Variants in TBXAS1 observed in about 807,000 individuals in gnomAD.
TBXAS1 encodes thromboxane A synthase 1.
TBXAS1 carries 48 observed loss-of-function variants against 60.7 expected under a neutral mutation model. The ratio of observed to expected loss-of-function variants is 0.79; its 90% CI spans 0.63 to 1.01. The LOEUF is 1.01. TBXAS1 is among the 50% of genes least tolerant of loss of function. TBXAS1 has a pLI of 0.00. For missense variants in TBXAS1, 685 were observed against 686.3 expected (o/e 1.00, Z 0.02); for synonymous variants, 287 against 269.7 (o/e 1.06, Z -0.63).
chr7:139,872,155 A>G, intron 1 of TBXAS1, 80 bp from the exon 2 acceptor site: 4 of 1,386,040 alleles, frequency 2.9e-6, no homozygotes, highest in Non-Finnish European at 4.1e-6. Context: ...CAGAGAGCTC[A>G]GTAATTCTAG....
rs1352109288 is a variant in TBXAS1, at chr7:139,900,256, T to A, written c.237-10969T>A. On this transcript the variant is annotated intron_variant, in intron 3 of 12. Coordinates refer to ENST00000448866, the MANE Select transcript of TBXAS1 (RefSeq NM_001061.7). ...TATAGGATTTACAGTTCCAGTAAAC[T>A]ACAGAGATAACTTAGTTTTCACTCC... is the stretch of plus-strand genomic sequence containing the variant. 2.6e-5 allele frequency among the ~76,000 whole-genome samples: 4 copies of A among 152,310 alleles called. 1 individual carries two copies. The South Asian group carries it at 8.3e-4, about 32-fold the overall frequency.
At chr7:139,890,337 TC>T (rs1803490050) in intron 3 of TBXAS1, among the ~76,000 whole-genome samples, 1 of 145,620 alleles carries the variant, frequency 6.9e-6, no homozygotes, top group African/African-American at 2.5e-5. Flanking sequence ...TGCCTCAGCC[TC>T]CCGAGTAGCT....
At chr7:139,815,767 G>A (rs1231540835) in intron 4 of TBXAS1, among the ~76,000 whole-genome samples, 2 of 152,170 alleles carry the variant, frequency 1.3e-5, no homozygotes, top group Admixed American at 1.3e-4. Flanking sequence ...TCACTTCAGA[G>A]GAGGAGGAGA....
intron 6 of TBXAS1, among the ~76,000 whole-genome samples, chr7:139,954,699 G>C (rs1242186167): frequency 6.6e-6 from 1 of 152,198 alleles, no homozygotes; most frequent in Non-Finnish European, 1.5e-5. Flanking sequence ...ATAACAAAAA[G>C]AATCATTTGA....
intron 3 of TBXAS1, among the ~76,000 whole-genome samples, chr7:139,909,629 T>C (rs1402751013): frequency 6.6e-6 from 1 of 152,218 alleles, no homozygotes; most frequent in South Asian, 2.1e-4. Context: ...GCCAGACAAA[T>C]ATTTTTATTG....
chr7:139,990,672 C>T (rs1585018620), intron 9 of TBXAS1, among the ~76,000 whole-genome samples: 1 of 151,912 alleles, frequency 6.6e-6, no homozygotes, highest in African/African-American at 2.4e-5. Context: ...TTCTTTGCTG[C>T]CACCCTCCCC....
At chr7:139,956,849 T>A (rs1435219500) in intron 7 of TBXAS1, among the ~76,000 whole-genome samples, 4 of 152,270 alleles carry the variant, frequency 2.6e-5, no homozygotes, top group Middle Eastern at 3.2e-3. Context: ...TGCAGGGCCC[T>A]CCTGCTGCTG....
chr7:140,019,931 C>A, intron 12 of TBXAS1, 94 bp from the exon 13 acceptor site: 2 of 1,219,498 alleles, frequency 1.6e-6, no homozygotes, highest in South Asian at 1.2e-5. Context: ...TGACCTTGGA[C>A]AACGGACTTG....
At chr7:139,863,638 G>T (rs1198805004) in intron 1 of TBXAS1, among the ~76,000 whole-genome samples, 4 of 152,108 alleles carry the variant, frequency 2.6e-5, no homozygotes, top group African/African-American at 9.7e-5. Context: ...ACTACTTAGA[G>T]GAAGATTTAT....
chr7:139,971,533 T>A (rs76377296), intron 9 of TBXAS1, among the ~76,000 whole-genome samples: 2 of 152,332 alleles, frequency 1.3e-5, no homozygotes, highest in East Asian at 3.9e-4. Context: ...GTCCTGGGGA[T>A]ACCTGCGGGA....
chr7:139,886,443 T>C (rs1803118897), intron 3 of TBXAS1, among the ~76,000 whole-genome samples: 1 of 151,154 alleles, frequency 6.6e-6, no homozygotes, highest in African/African-American at 2.4e-5. Flanking sequence ...CTATTAACCT[T>C]TGCCCGGAAT....
At chr7:139,824,763 A>G (rs1357034621), upstream of TBXAS1, among the ~76,000 whole-genome samples, 2 of 151,524 alleles carry the variant, frequency 1.3e-5, no homozygotes. Flanking sequence ...AGTTGGGATT[A>G]TAGGATATTT....
intron 7 of TBXAS1, 61 bp from the exon 8 acceptor site, chr7:139,957,573 C>T (rs1188014798): frequency 3.1e-6 from 5 of 1,612,012 alleles, no homozygotes; most frequent in Non-Finnish European, 4.2e-6. Context: ...GAACAGGCGT[C>T]TAATGGCCCT....
rs1584871341 is a variant in TBXAS1 at position 139,926,936 on chromosome 7, A to G, written c.334-9255A>G. On this transcript the variant is annotated intron_variant, in intron 4 of 12. Coordinates refer to ENST00000448866, the MANE Select transcript of TBXAS1 (RefSeq NM_001061.7). ...TTCCAATTAAACAATTGGAAATTGT[A>G]TAGTTTCCAAAATTCCTCTTCTTAT... Among the ~76,000 whole-genome samples the G allele has an allele frequency of 1.3e-5, 2 of 152,048 alleles. 1 individual carries two copies.
chr7:139,870,162 T>C (rs1340425551), intron 1 of TBXAS1, among the ~76,000 whole-genome samples: 1 of 152,212 alleles, frequency 6.6e-6, no homozygotes, highest in African/African-American at 2.4e-5. Context: ...GCTGATGCCA[T>C]GTGTTTGAAA....
At chr7:139,862,648 C>T (rs1801051759) in intron 1 of TBXAS1, among the ~76,000 whole-genome samples, 1 of 152,052 alleles carries the variant, frequency 6.6e-6, no homozygotes, top group Non-Finnish European at 1.5e-5. Flanking sequence ...AATATGTATG[C>T]TGATAGGAAT....
chr7:140,016,040 AT>A (rs562863551), intron 11 of TBXAS1, among the ~76,000 whole-genome samples, 180 bp downstream of exon 11: 1 of 152,002 alleles, frequency 6.6e-6, no homozygotes, highest in Non-Finnish European at 1.5e-5. Context: ...TAATTATACC[AT>A]TTTTTAGCCA....
chr7:139,951,784 AAAG>A (rs1426317478), intron 5 of TBXAS1, among the ~76,000 whole-genome samples: 1 of 59,660 alleles, frequency 1.7e-5, no homozygotes, highest in Non-Finnish European at 3.5e-5. Flanking sequence ...AAAAAAAAAA[AAAG>A]AAAGAAAGAA....
rs116793070 is a variant in TBXAS1, at chr7:139,840,763, A to G, written c.89+11284A>G. Reference sequence around the variant, plus strand: ...AGTCTAGCGAACAGAAGCAGGGCCCATGCGTAGGGGTGGTCCAGGTTTACA... The same window carrying G: ...AGTCTAGCGAACAGAAGCAGGGCCCGTGCGTAGGGGTGGTCCAGGTTTACA... On this transcript the variant is annotated intron_variant, in intron 1 of 12. Coordinates refer to ENST00000448866, the MANE Select transcript of TBXAS1 (RefSeq NM_001061.7). Among the ~76,000 whole-genome samples the G allele has an allele frequency of 3.5e-3, 526 of 152,326 alleles. 4 individuals carry two copies. Among genetic ancestry groups the G allele is most frequent in the African/African-American group, 0.012 (498 of 41,566 alleles).
Sources: gnomAD v4.1 joint callset for allele counts (sites outside exome capture counted in the v4.1 genomes callset) on GRCh38, gnomAD v4.1.1 for gene constraint, MANE v1.5 for transcripts, NCBI Gene and HGNC (gene_info 2026-07-23, HGNC 2026-07-21) for gene names.